Variants in DROSHA observed in about 807,000 individuals in gnomAD.
DROSHA encodes the protein drosha ribonuclease III, also known as ribonuclease 3.
A neutral mutation model predicts 181.9 loss-of-function variants in DROSHA; 56 were observed. The observed-to-expected ratio is 0.31, with a 90% CI of 0.25 to 0.38. The LOEUF is 0.38. Ranked by LOEUF, DROSHA falls within the 10% of genes least tolerant of loss-of-function variation. The probability of loss-of-function intolerance (pLI) is 1.00; values close to 1 mark genes in which losing one functional copy is unlikely to be tolerated. For missense variants in DROSHA, 1,218 were observed against 1,743.5 expected, an observed-to-expected ratio of 0.70 and a Z score of 5.37; for synonymous variants, 524 against 591.2, an observed-to-expected ratio of 0.89 and a Z score of 1.65.
intron 19 of DROSHA, 25 bp downstream of exon 19, chr5:31,466,157 C>T (rs775220035): frequency 2.5e-6 from 4 of 1,606,146 alleles, no homozygotes; most frequent in Non-Finnish European, 3.4e-6. Flanking sequence ...TCGTTAATCA[C>T]CAAGGAATGG....
intron 16 of DROSHA, among the ~76,000 whole-genome samples, chr5:31,476,119 C>T (rs550210790): frequency 1.7e-3 from 264 of 152,292 alleles, no homozygotes; most frequent in Non-Finnish European, 3.3e-3. Flanking sequence ...AATCCCAGCA[C>T]TTTGGGAGGC....
chr5:31,443,838 T>G (rs930327511), intron 23 of DROSHA, among the ~76,000 whole-genome samples: 2 of 152,126 alleles, frequency 1.3e-5, no homozygotes, highest in African/African-American at 4.8e-5. Context: ...TAGCCTGGGA[T>G]AAAAGTAGTG....
In DROSHA at chr5:31,467,895, T is replaced by C. The variant is rs746710796; in HGVS notation, c.2366+44A>G. ...ATTTCTCTGCTAATTTGGCTGTTAGTAGAAGGTGAAATTGGCTAAGACAAA... is the reference window on the plus strand; with the variant it reads ...ATTTCTCTGCTAATTTGGCTGTTAGCAGAAGGTGAAATTGGCTAAGACAAA... On this transcript the variant is annotated intron_variant, in intron 18 of 35. Coordinates refer to ENST00000344624, the MANE Select transcript of DROSHA (RefSeq NM_001382508.1). 5.0e-6 allele frequency: 8 copies of C among 1,597,952 alleles called. No homozygotes were observed. The African/African-American group carries it at 5.4e-5, about 11-fold the overall frequency.
At chr5:31,531,064 C>A (rs999391183) in intron 2 of DROSHA, 140 bp from the exon 3 acceptor site, 1 of 389,446 alleles carries the variant, frequency 2.6e-6, no homozygotes, top group Non-Finnish European at 4.5e-6. Flanking sequence ...TTTAATGAGC[C>A]CATAAATGGG....
chr5:31,527,615 T>C (rs1023289763), intron 4 of DROSHA: 1 of 152,910 alleles, frequency 6.5e-6, no homozygotes, highest in Non-Finnish European at 1.5e-5. Flanking sequence ...AGTACCCTTA[T>C]GAAGAGAGAA....
At chr5:31,503,705 C>A (rs1009035446) in intron 11 of DROSHA, among the ~76,000 whole-genome samples, 2 of 152,170 alleles carry the variant, frequency 1.3e-5, no homozygotes, top group African/African-American at 2.4e-5. Context: ...AGGTGTTGAT[C>A]CCTCGTCAAC....
At chr5:31,426,101 T>C (rs957072689) in intron 27 of DROSHA, among the ~76,000 whole-genome samples, 5 of 152,236 alleles carry the variant, frequency 3.3e-5, no homozygotes, top group African/African-American at 1.2e-4. Flanking sequence ...AACAAGACTG[T>C]GATTCCTCCT....
chr5:31,467,861 C>T, intron 18 of DROSHA, 78 bp downstream of exon 18: 1 of 1,532,710 alleles, frequency 6.5e-7, no homozygotes, highest in Non-Finnish European at 8.8e-7. Context: ...GAAACATCCA[C>T]TAAAGGGTAT....
At chr5:31,448,756 T>A in intron 22 of DROSHA, 149 bp from the exon 23 acceptor site, 1 of 632,816 alleles carries the variant, frequency 1.6e-6, no homozygotes, top group Non-Finnish European at 2.7e-6. Context: ...AACAATTATT[T>A]AAAACACTGG....
chr5:31,527,479 ATGACC>A (rs1740732185), intron 4 of DROSHA: 1 of 155,604 alleles, frequency 6.4e-6, no homozygotes, highest in African/African-American at 2.4e-5. Flanking sequence ...TTACAGTCAA[ATGACC>A]TGAAAACGTT....
At chr5:31,426,177 G>A (rs1213893390) in intron 27 of DROSHA, among the ~76,000 whole-genome samples, 4 of 151,844 alleles carry the variant, frequency 2.6e-5, no homozygotes, top group Non-Finnish European at 5.9e-5. Context: ...TAATGCACCT[G>A]TCCATTTCCT....
intron 12 of DROSHA, among the ~76,000 whole-genome samples, chr5:31,493,936 A>C (rs1394030429): frequency 7.8e-6 from 1 of 127,632 alleles, no homozygotes; most frequent in Non-Finnish European, 1.6e-5. Flanking sequence ...ATAACCCACC[A>C]TTGTGTGTGT....
At chr5:31,515,401 A>G in intron 7 of DROSHA, 53 bp downstream of exon 7, 4 of 1,061,678 alleles carry the variant, frequency 3.8e-6, no homozygotes, top group Non-Finnish European at 5.5e-6. Flanking sequence ...AATCACCTGA[A>G]GTTTACTTGT....
At chr5:31,447,047 A>G (rs1325495494) in intron 23 of DROSHA, among the ~76,000 whole-genome samples, 1 of 152,204 alleles carries the variant, frequency 6.6e-6, no homozygotes, top group Non-Finnish European at 1.5e-5. Flanking sequence ...CTCGAAAAAA[A>G]AAATGTGGTA....
At chr5:31,468,577 C>T (rs758566392) in intron 17 of DROSHA, among the ~76,000 whole-genome samples, 12 of 152,168 alleles carry the variant, frequency 7.9e-5, no homozygotes, top group Non-Finnish European at 1.6e-4. Flanking sequence ...TTTATTATGT[C>T]CATGTAGGAC....
Position 31,515,093 on chromosome 5 carries a change from G to T in DROSHA, c.1185C>A (p.Thr395=). The change falls in exon 8 of 36, where the codon ACC becomes ACA. Residue 395 remains threonine (T), a synonymous_variant. Coordinates refer to ENST00000344624, the MANE Select transcript of DROSHA (RefSeq NM_001382508.1). ...TSIKEKEPEE[T]MPDKNEEEEE... is the part of the protein sequence containing the mutation. ...CTTCCTCCTCATTCTTGTCAGGCAT[G>T]GTCTCCTCGGGCTCTTTTTCCTTGA... is the stretch of plus-strand genomic sequence containing the variant. 2 of 1,613,932 alleles carry T rather than the reference G, an allele frequency of 1.2e-6. No individual in the cohort carries two copies. The highest frequency in any genetic ancestry group is 1.7e-6 in the Non-Finnish European group (2 of 1,179,878).
rs1561138465 is a variant in DROSHA at position 31,424,917 on chromosome 5, GC to G, written c.3217-447del. Among the ~76,000 whole-genome samples the G allele has an allele frequency of 2.0e-5, 3 of 152,100 alleles. No individual in the cohort carries two copies. In the East Asian group the frequency reaches 5.8e-4, roughly 29 times the overall value. On this transcript the variant is annotated intron_variant, in intron 27 of 35. Transcript: ENST00000344624. ...GCTATTTTAAGATGGAGTGGAAAAC[GC>G]CCCATGTCGTCTTCATAAGATCTTA...
intron 13 of DROSHA, among the ~76,000 whole-genome samples, chr5:31,488,015 G>C (rs1751979445): frequency 6.6e-6 from 1 of 151,986 alleles, no homozygotes; most frequent in South Asian, 2.1e-4. Context: ...AATACAAAAA[G>C]AATACAATGC....
intron 14 of DROSHA, 47 bp from the exon 15 acceptor site, chr5:31,485,009 C>T: frequency 7.6e-7 from 1 of 1,318,284 alleles, no homozygotes; most frequent in Non-Finnish European, 1.1e-6. Flanking sequence ...GCAAAATATA[C>T]ATTAACTGAA....
Sources: gnomAD v4.1 joint callset for allele counts (sites outside exome capture counted in the v4.1 genomes callset) on GRCh38, gnomAD v4.1.1 for gene constraint, MANE v1.5 for transcripts, NCBI Gene and HGNC (gene_info 2026-07-23, HGNC 2026-07-21) for gene names.